TTF1: variants seen among roughly 807,000 people sequenced by gnomAD.
TTF1 encodes transcription termination factor, RNA polymerase I.
TTF1 carries 64 observed loss-of-function variants against 80.2 expected under a neutral mutation model. The observed-to-expected ratio is 0.80, with a 90% CI of 0.65 to 0.98. The LOEUF is 0.98. TTF1 is among the 50% of genes least tolerant of loss of function. The probability of loss-of-function intolerance (pLI) is 0.00; values close to 1 mark genes in which losing one functional copy is unlikely to be tolerated. For synonymous variants in TTF1, 372 were observed against 382.7 expected (o/e 0.97, Z 0.33); for missense variants, 1,023 against 1,086.2 (o/e 0.94, Z 0.82).
chr9:132,399,147 C>T (rs748135572), intron 3 of TTF1, among the ~76,000 whole-genome samples: 53 of 146,318 alleles, frequency 3.6e-4, no homozygotes, highest in Admixed American at 2.0e-3. Context: ...TGCAGTGAGC[C>T]GAGATCATGC....
At chr9:132,376,843 G>C (rs1399901797) in intron 10 of TTF1, among the ~76,000 whole-genome samples, 2 of 151,878 alleles carry the variant, frequency 1.3e-5, no homozygotes, top group Non-Finnish European at 2.9e-5. Flanking sequence ...ACCATGCCTG[G>C]ACACTTTTTG....
At chr9:132,389,858 C>T (rs73550581) in intron 7 of TTF1, among the ~76,000 whole-genome samples, 153 of 152,336 alleles carry the variant, frequency 1.0e-3, no homozygotes, top group African/African-American at 3.5e-3. Context: ...AGCATGCCTA[C>T]CTCGCTTCAT....
At chr9:132,376,983 G>A (rs1849190519) in intron 10 of TTF1, among the ~76,000 whole-genome samples, 1 of 152,150 alleles carries the variant, frequency 6.6e-6, no homozygotes, top group Non-Finnish European at 1.5e-5. Flanking sequence ...CCAGAAATTT[G>A]TGTTTTTAAC....
Position 132,401,435 on chromosome 9 carries a change from G to A in TTF1, c.1367+20C>T, listed in dbSNP as rs745836864. On this transcript the variant is annotated intron_variant, in intron 2 of 10. Coordinates refer to ENST00000334270, the MANE Select transcript of TTF1 (RefSeq NM_007344.4). ...TACGAAAGAAATATACCAGCAGCTG[G>A]AATACCACTCCCTCGTTACCTTGGC... 4 of 1,582,660 alleles carry A rather than the reference G, an allele frequency of 2.5e-6. No homozygotes were observed. Among genetic ancestry groups the A allele is most frequent in the Non-Finnish European group, 3.4e-6 (4 of 1,164,322 alleles).
intron 7 of TTF1, among the ~76,000 whole-genome samples, chr9:132,388,993 T>C (rs905296081): frequency 3.3e-5 from 5 of 152,302 alleles, no homozygotes; most frequent in Middle Eastern, 3.4e-3. Context: ...TGGAGGTCAC[T>C]TCAATGTTAC....
chr9:132,390,455 T>TA, intron 7 of TTF1, 142 bp downstream of exon 7: 2 of 705,644 alleles, frequency 2.8e-6, no homozygotes. Flanking sequence ...CAGAGAGTGA[T>TA]ATGGAAGCAG....
intron 4 of TTF1, among the ~76,000 whole-genome samples, chr9:132,397,254 A>C (rs1208502256): frequency 6.6e-6 from 1 of 152,206 alleles, no homozygotes; most frequent in Non-Finnish European, 1.5e-5. Context: ...GATGAACAAT[A>C]ATCTTTCCCA....
In TTF1 at chr9:132,379,022, C is replaced by T. The variant is rs754709623; in HGVS notation, c.2464+37G>A. ...CATTACCAGCATGTGGCACCAAATG[C>T]CATGTTCTTAGCCATATAAATATTA... On this transcript the variant is annotated intron_variant, in intron 10 of 10. Transcript: ENST00000334270. The T allele has an allele frequency of 4.7e-6, 7 of 1,497,974 alleles. No individual in the cohort carries two copies. In the South Asian group the frequency reaches 6.3e-5, roughly 14 times the overall value. The allele number at this position is 1,497,974 out of a possible 1,614,324, so 92.8% of individuals were successfully genotyped here. A position where few individuals can be genotyped will look rare whatever the true frequency, so the allele number is the denominator to read the frequency against.
intron 9 of TTF1, among the ~76,000 whole-genome samples, chr9:132,381,262 C>T (rs1044683120): frequency 5.3e-5 from 8 of 151,374 alleles, no homozygotes; most frequent in Admixed American, 3.3e-4. Context: ...GACGCAATCT[C>T]GGCTCACTGC....
In TTF1 at chr9:132,402,680, G is replaced by A. The variant is rs763209335; in HGVS notation, c.142C>T (p.Gln48Ter). ...RDSSLVNEQS[Q>*]ITRRKKRKKD... ...TTCCTCTTTTTCCTCCTAGTTATTT[G>A]AGACTGTTCATTCACCAGGGAGGAG... Residue 48 changes from glutamine to a stop codon, truncating the protein, a stop_gained, in exon 2 of 11, where the codon CAA becomes TAA. Coordinates refer to ENST00000334270, the MANE Select transcript of TTF1 (RefSeq NM_007344.4). LOFTEE classifies it high-confidence loss of function. 10 of 1,613,898 alleles carry A rather than the reference G, an allele frequency of 6.2e-6. No homozygotes were observed. The highest frequency in any genetic ancestry group is 1.7e-5 in the Admixed American group (1 of 59,968).
intron 1 of TTF1, 130 bp from the exon 2 acceptor site, chr9:132,402,958 C>A (rs1849796701): frequency 1.1e-6 from 1 of 889,654 alleles, no homozygotes; most frequent in African/African-American, 1.7e-5. Flanking sequence ...TGGGCTCATG[C>A]CATTTTCCCG....
chr9:132,377,398 AGTGCATGTGGTGTGT>A (rs1849216899), intron 10 of TTF1, among the ~76,000 whole-genome samples: 1 of 62,964 alleles, frequency 1.6e-5, no homozygotes, highest in South Asian at 5.2e-4. Context: ...ATGTGGTGTG[AGTGCATGTGGTGTGT>A]GTGAGTGCAT....
chr9:132,403,417 G>A (rs545443495), intron 1 of TTF1, among the ~76,000 whole-genome samples: 17 of 151,976 alleles, frequency 1.1e-4, no homozygotes, highest in South Asian at 2.1e-4. Context: ...CCAACTCTGC[G>A]TTTAAGCCAA....
intron 1 of TTF1, among the ~76,000 whole-genome samples, chr9:132,403,293 CTCTG>C (rs1849802509): frequency 6.6e-6 from 1 of 152,186 alleles, no homozygotes; most frequent in Non-Finnish European, 1.5e-5. Flanking sequence ...CTGGAATTCT[CTCTG>C]TCTGGTCCCA....
intron 2 of TTF1, 31 bp downstream of exon 2, chr9:132,401,424 A>G: frequency 1.3e-6 from 2 of 1,567,990 alleles, no homozygotes; most frequent in South Asian, 2.4e-5. Context: ...AAAGAAATAT[A>G]CCAGCAGCTG....
chr9:132,379,983 T>C (rs546998915), intron 9 of TTF1, among the ~76,000 whole-genome samples: 1 of 152,330 alleles, frequency 6.6e-6, no homozygotes, highest in African/African-American at 2.4e-5. Context: ...AGGTAAAAGA[T>C]GATCAGATTC....
At chr9:132,399,512 A>C (rs693650) in intron 3 of TTF1, among the ~76,000 whole-genome samples, 99,053 of 151,860 alleles carry the variant, frequency 0.65, 33,276 homozygotes, top group Non-Finnish European at 0.74. Context: ...CTTAAACCCA[A>C]TAAGCTTTAT....
intron 9 of TTF1, among the ~76,000 whole-genome samples, chr9:132,385,951 C>G (rs1285793875): frequency 6.6e-6 from 1 of 152,086 alleles, no homozygotes; most frequent in Non-Finnish European, 1.5e-5. Flanking sequence ...ATCCCCAGAG[C>G]CTAGAAAAAT....
At chr9:132,377,578 GGTGT>G (rs138655437) in intron 10 of TTF1, among the ~76,000 whole-genome samples, 5 of 18,588 alleles carry the variant, frequency 2.7e-4, no homozygotes, top group Non-Finnish European at 3.7e-4. Context: ...GAGTGCATGT[GGTGT>G]GTGTGAGTGC....
Sources: allele counts gnomAD v4.1 joint callset (sites outside exome capture counted in the v4.1 genomes callset), GRCh38; gene constraint gnomAD v4.1.1; transcripts MANE v1.5; gene names NCBI Gene and HGNC (gene_info 2026-07-23, HGNC 2026-07-21).